Variants in BRINP3 observed in about 807,000 individuals in gnomAD.
BRINP3 encodes BMP/retinoic acid-inducible neural-specific protein 3.
In BRINP3, 19 loss-of-function variants were observed where a neutral mutation model predicts 71.0. That is an observed-to-expected ratio of 0.27 (90% CI 0.19 to 0.39). BRINP3 has a LOEUF of 0.39. Among genes scored for constraint, BRINP3 ranks in the 10% least tolerant of loss-of-function variants. The pLI is 1.00. For synonymous variants in BRINP3, 380 were observed against 337.7 expected (o/e 1.13, Z -1.37); for missense variants, 959 against 940.8 (o/e 1.02, Z -0.25).
intron 6 of BRINP3, among the ~76,000 whole-genome samples, chr1:190,214,843 A>G (rs1349241038): frequency 6.6e-6 from 1 of 151,966 alleles, no homozygotes; most frequent in Admixed American, 6.6e-5. Flanking sequence ...GCCTGTCCTT[A>G]ATGACAGACC....
At chr1:190,251,167 A>T (rs1660106116) in intron 4 of BRINP3, among the ~76,000 whole-genome samples, 1 of 151,914 alleles carries the variant, frequency 6.6e-6, no homozygotes, top group South Asian at 2.1e-4. Context: ...AGGATTTTGA[A>T]ATTTCTACTC....
At chr1:190,342,181 G>T (rs1220756513) in intron 2 of BRINP3, among the ~76,000 whole-genome samples, 2 of 151,548 alleles carry the variant, frequency 1.3e-5, no homozygotes, top group African/African-American at 4.8e-5. Context: ...CTGTGATTAT[G>T]TCTGGGTCAC....
rs1222561357 is a variant in BRINP3 at position 190,368,653 on chromosome 1, C to G, written c.236+86002G>C. On this transcript the variant is annotated intron_variant, in intron 2 of 7. Coordinates refer to ENST00000367462, the MANE Select transcript of BRINP3 (RefSeq NM_199051.3). ...TTCCACAAACAAGTTTATTGAGGGT[C>G]TGAAGGAACTCCTGAAACCTCTGTG... Among the ~76,000 whole-genome samples the G allele has an allele frequency of 2.6e-5, 4 of 152,168 alleles. No individual in the cohort carries two copies. The South Asian group carries it at 6.2e-4, about 24-fold the overall frequency.
intron 6 of BRINP3, among the ~76,000 whole-genome samples, chr1:190,202,733 T>C (rs1558060795): frequency 6.6e-6 from 1 of 152,070 alleles, no homozygotes; most frequent in Non-Finnish European, 1.5e-5. Context: ...GAAAAAAGTC[T>C]AGTTTTGCCT....
chr1:190,247,994 A>G (rs1014292589), intron 4 of BRINP3, among the ~76,000 whole-genome samples: 1 of 151,820 alleles, frequency 6.6e-6, no homozygotes, highest in African/African-American at 2.4e-5. Flanking sequence ...GAATAAAACA[A>G]AAGTAGCTCA....
chr1:190,306,520 GAAT>G (rs1361232152), intron 2 of BRINP3, among the ~76,000 whole-genome samples: 4 of 151,860 alleles, frequency 2.6e-5, no homozygotes, highest in African/African-American at 9.7e-5. Context: ...CAAGGTAATA[GAAT>G]TATTTGTTGA....
At chr1:190,179,580 T>C (rs1449840921) in intron 6 of BRINP3, among the ~76,000 whole-genome samples, 1 of 152,174 alleles carries the variant, frequency 6.6e-6, no homozygotes, top group African/African-American at 2.4e-5. Flanking sequence ...TAATTATTAA[T>C]GCTCTATTTT....
At chr1:190,229,265 T>A (rs1657708999) in intron 5 of BRINP3, among the ~76,000 whole-genome samples, 1 of 151,616 alleles carries the variant, frequency 6.6e-6, no homozygotes, top group South Asian at 2.1e-4. Context: ...TGGAGGAAGG[T>A]TTTCTCATGA....
intron 2 of BRINP3, among the ~76,000 whole-genome samples, chr1:190,369,213 A>G (rs1669700427): frequency 6.6e-6 from 1 of 152,158 alleles, no homozygotes; most frequent in South Asian, 2.1e-4. Context: ...TTTTGTTGTT[A>G]TTATAATCGG....
chr1:190,275,117 T>C (rs146745358), intron 3 of BRINP3, among the ~76,000 whole-genome samples: 2,279 of 151,680 alleles, frequency 0.015, 72 homozygotes, highest in African/African-American at 0.051. Flanking sequence ...CTCTCGATAG[T>C]AGTACAATAA....
At chr1:190,104,578 T>C (rs1003409753) in intron 7 of BRINP3, among the ~76,000 whole-genome samples, 1 of 152,072 alleles carries the variant, frequency 6.6e-6, no homozygotes, top group Non-Finnish European at 1.5e-5. Context: ...TTACACTATA[T>C]ACCTGTGTTT....
chr1:190,308,620 T>C (rs906321020), intron 2 of BRINP3, among the ~76,000 whole-genome samples: 2 of 151,906 alleles, frequency 1.3e-5, no homozygotes, highest in Non-Finnish European at 2.9e-5. Context: ...TGTGCACATG[T>C]ACCCTAAAAC....
intron 5 of BRINP3, among the ~76,000 whole-genome samples, chr1:190,234,058 C>T (rs918779390): frequency 2.6e-5 from 4 of 152,028 alleles, no homozygotes; most frequent in African/African-American, 9.7e-5. Context: ...AAAGTCAAAG[C>T]TCAGGCAAGC....
chr1:190,164,794 A>G (rs1240354799), intron 6 of BRINP3, among the ~76,000 whole-genome samples: 1 of 151,468 alleles, frequency 6.6e-6, no homozygotes, highest in African/African-American at 2.4e-5. Flanking sequence ...GTCTTACCAT[A>G]TTGTACAGGC....
chr1:190,464,176 T>TA (rs1369537741), intron 1 of BRINP3, among the ~76,000 whole-genome samples: 2 of 151,690 alleles, frequency 1.3e-5, no homozygotes, highest in Non-Finnish European at 3.0e-5. Flanking sequence ...AAGTTAGTGA[T>TA]AATCCTTAAA....
intron 2 of BRINP3, among the ~76,000 whole-genome samples, chr1:190,417,117 G>A (rs1308355860): frequency 6.6e-6 from 1 of 151,592 alleles, no homozygotes; most frequent in Non-Finnish European, 1.5e-5. Context: ...TTCAAATGGA[G>A]AACAAAAACA....
chr1:190,233,407 C>T (rs1658198478), intron 5 of BRINP3, among the ~76,000 whole-genome samples: 1 of 152,118 alleles, frequency 6.6e-6, no homozygotes, highest in South Asian at 2.1e-4. Flanking sequence ...TCTTGAACTC[C>T]TGGCTTCAAC....
chr1:190,260,663 G>C (rs1437428019), intron 4 of BRINP3, among the ~76,000 whole-genome samples: 1 of 151,876 alleles, frequency 6.6e-6, no homozygotes, highest in Non-Finnish European at 1.5e-5. Flanking sequence ...GAAAAGTATT[G>C]TCATGTTTAA....
At position 190,098,666 on chromosome 1, in the gene BRINP3, C is replaced by G. The variant is rs1328421815; in HGVS notation, c.1653G>C (p.Leu551Phe). 6.2e-7 allele frequency: 1 copy of G among 1,614,124 alleles called. No individual in the cohort carries two copies. Among genetic ancestry groups the G allele is most frequent in the South Asian group, 1.1e-5 (1 of 91,074 alleles). ...KYKSSLVHMI[L>F]GLSLQICLTK... is the part of the protein sequence containing the mutation. ...TTAAGCAAATCTGTAAAGAGAGACCCAAAATCATATGGACCAGACTTGACT... is the reference window on the plus strand; with the variant it reads ...TTAAGCAAATCTGTAAAGAGAGACCGAAAATCATATGGACCAGACTTGACT... The change falls in exon 8 of 8, where the codon TTG (leucine) becomes TTC (phenylalanine). Residue 551 changes from leucine to phenylalanine, a missense_variant. Transcript: ENST00000367462.
Sources: gnomAD v4.1 joint callset for allele counts (sites outside exome capture counted in the v4.1 genomes callset) on GRCh38, gnomAD v4.1.1 for gene constraint, MANE v1.5 for transcripts, NCBI Gene and HGNC (gene_info 2026-07-23, HGNC 2026-07-21) for gene names.